Variants in PLA2G4A observed in about 807,000 individuals in gnomAD.
The protein encoded by PLA2G4A is phospholipase A2 group IVA, also known as cytosolic phospholipase A2.
Under a neutral mutation model 81.9 loss-of-function variants are expected in PLA2G4A, and 40 were observed. The ratio of observed to expected loss-of-function variants is 0.49; its 90% CI spans 0.38 to 0.64. The LOEUF (loss-of-function observed/expected upper bound fraction) is 0.64, where lower values mean the gene tolerates loss of function less well. Ranked by LOEUF, PLA2G4A falls within the 30% of genes least tolerant of loss-of-function variation. PLA2G4A has a pLI of 0.00. For missense variants in PLA2G4A, 715 were observed against 905.1 expected, an observed-to-expected ratio of 0.79 and a Z score of 2.69; for synonymous variants, 302 against 296.9, an observed-to-expected ratio of 1.02 and a Z score of -0.18.
chr1:186,915,691 C>G (rs1332908421), intron 7 of PLA2G4A, among the ~76,000 whole-genome samples: 1 of 152,100 alleles, frequency 6.6e-6, no homozygotes, highest in Admixed American at 6.5e-5. Context: ...GGGGGCTGTC[C>G]AGTCCCAGTG....
chr1:186,988,219 G>A (rs1234944064), intron 17 of PLA2G4A, among the ~76,000 whole-genome samples, 158 bp from the exon 18 acceptor site: 3 of 152,112 alleles, frequency 2.0e-5, no homozygotes, highest in Non-Finnish European at 4.4e-5. Context: ...GTGGTGGGAT[G>A]TTGAATTTAA....
At chr1:186,889,274 A>T (rs1654049702) in intron 3 of PLA2G4A, among the ~76,000 whole-genome samples, 1 of 152,214 alleles carries the variant, frequency 6.6e-6, no homozygotes, top group South Asian at 2.1e-4. Flanking sequence ...TAGGATATCA[A>T]AAGTGTGACC....
Position 186,956,293 on chromosome 1 carries a change from T to G in PLA2G4A, c.1528T>G (p.Phe510Val), listed in dbSNP as rs1269346162. 6.2e-7 allele frequency: 1 copy of G among 1,613,642 alleles called. No homozygotes were observed. The highest frequency in any genetic ancestry group is 2.2e-5 in the East Asian group (1 of 44,866). ...TSYPLSPLSDFATQDSFDDDE... is the reference protein window; with the variant it reads ...TSYPLSPLSDVATQDSFDDDE... ...TTATCCACTGTCTCCTTTGAGTGAC[T>G]TTGCCACACAGGACTCCTTTGATGA... The change falls in exon 14 of 18, where the codon TTT (phenylalanine) becomes GTT (valine). Residue 510 changes from phenylalanine (F) to valine (V), a missense_variant. Coordinates refer to ENST00000367466, the MANE Select transcript of PLA2G4A (RefSeq NM_024420.3).
intron 8 of PLA2G4A, 110 bp downstream of exon 8, chr1:186,933,009 T>G: frequency 1.2e-6 from 1 of 813,090 alleles, no homozygotes; most frequent in Non-Finnish European, 2.0e-6. Context: ...TTAATTTAAA[T>G]TACTGAAACT....
rs577946127 is a variant in PLA2G4A at position 186,971,548 on chromosome 1, A to G, written c.1764+5955A>G. ...AATATAAAGTAAATTGCAATATATT[A>G]CACATAATATAGTTTTTCTTGTCTC... On this transcript the variant is annotated intron_variant, in intron 15 of 17. Transcript: ENST00000367466. 6.6e-5 allele frequency among the ~76,000 whole-genome samples: 10 copies of G among 152,114 alleles called. No homozygotes were observed. The South Asian group carries it at 2.1e-3, about 32-fold the overall frequency.
chr1:186,870,263 T>C (rs1470830555), intron 2 of PLA2G4A, among the ~76,000 whole-genome samples, 172 bp from the exon 3 acceptor site: 1 of 152,178 alleles, frequency 6.6e-6, no homozygotes, highest in African/African-American at 2.4e-5. Flanking sequence ...CTAAACTCAA[T>C]GATTCTGTGA....
intron 15 of PLA2G4A, among the ~76,000 whole-genome samples, chr1:186,974,024 T>C (rs1203114246): frequency 2.0e-5 from 3 of 151,912 alleles, no homozygotes; most frequent in Admixed American, 1.3e-4. Context: ...CTTCCTCTAA[T>C]GACAAGTCAA....
chr1:186,863,918 G>A (rs548595833), intron 2 of PLA2G4A, among the ~76,000 whole-genome samples: 11 of 151,956 alleles, frequency 7.2e-5, no homozygotes, highest in East Asian at 1.9e-4. Context: ...CTGCCACCAC[G>A]CCTGGCTAAT....
At chr1:186,885,980 G>T (rs1201408792) in intron 3 of PLA2G4A, among the ~76,000 whole-genome samples, 1 of 152,092 alleles carries the variant, frequency 6.6e-6, no homozygotes, top group Non-Finnish European at 1.5e-5. Flanking sequence ...AAATATAATG[G>T]CTGGGTATTT....
At chr1:186,890,954 G>A (rs1264141792) in intron 3 of PLA2G4A, among the ~76,000 whole-genome samples, 3 of 151,596 alleles carry the variant, frequency 2.0e-5, no homozygotes, top group Non-Finnish European at 4.4e-5. Context: ...TTTAATATGA[G>A]TGCCACCCCT....
chr1:186,882,492 A>C (rs1052575547), intron 3 of PLA2G4A, among the ~76,000 whole-genome samples: 1 of 152,108 alleles, frequency 6.6e-6, no homozygotes, highest in African/African-American at 2.4e-5. Flanking sequence ...TGCCATCAAT[A>C]TGCCTGTGTG....
Position 186,849,213 on chromosome 1 carries a change from A to G in PLA2G4A, c.-69-5073A>G, listed in dbSNP as rs556358618. On this transcript the variant is annotated intron_variant, in intron 1 of 17. Coordinates refer to ENST00000367466, the MANE Select transcript of PLA2G4A (RefSeq NM_024420.3). The stretch of plus-strand genomic sequence containing the variant: ...CCATCCATCCATTGGACAAATCTTT[A>G]TTCTGAACCTACTATATTTGGGCCA... Among the ~76,000 whole-genome samples, 14 of 152,194 alleles carry G rather than the reference A, an allele frequency of 9.2e-5. No individual in the cohort carries two copies. The South Asian group carries it at 2.9e-3, about 32-fold the overall frequency.
intron 3 of PLA2G4A, chr1:186,870,867 C>A (rs902734977): frequency 1.8e-6 from 1 of 565,130 alleles, no homozygotes; most frequent in East Asian, 4.4e-5. Flanking sequence ...TTGTCTGGAT[C>A]TTTGAACGAT....
intron 5 of PLA2G4A, among the ~76,000 whole-genome samples, 188 bp downstream of exon 5, chr1:186,894,399 C>A (rs1367122253): frequency 6.6e-6 from 1 of 152,066 alleles, no homozygotes; most frequent in Non-Finnish European, 1.5e-5. Flanking sequence ...CATCTATAAA[C>A]TTTGGTTGAG....
chr1:186,947,093 C>G, intron 12 of PLA2G4A, 132 bp downstream of exon 12: 1 of 631,802 alleles, frequency 1.6e-6, no homozygotes, highest in Non-Finnish European at 2.8e-6. Flanking sequence ...TTGGTTGAAT[C>G]AATCTAAATA....
At chr1:186,923,236 C>A (rs959309364) in intron 7 of PLA2G4A, among the ~76,000 whole-genome samples, 10 of 152,098 alleles carry the variant, frequency 6.6e-5, no homozygotes, top group Non-Finnish European at 1.2e-4. Flanking sequence ...TCATGTCAGG[C>A]TAATTAGTTC....
chr1:186,975,814 G>A (rs932839980), intron 15 of PLA2G4A, among the ~76,000 whole-genome samples: 1 of 152,186 alleles, frequency 6.6e-6, no homozygotes, highest in Non-Finnish European at 1.5e-5. Context: ...AGGTCATCCA[G>A]CTAGCAAGTT....
intron 2 of PLA2G4A, among the ~76,000 whole-genome samples, chr1:186,866,985 G>A (rs762693826): frequency 1.4e-4 from 22 of 151,956 alleles, no homozygotes; most frequent in Non-Finnish European, 1.5e-4. Flanking sequence ...TTTCTCCTTT[G>A]TCAAAGATCA....
chr1:186,847,729 T>A (rs1045852036), intron 1 of PLA2G4A, among the ~76,000 whole-genome samples: 3 of 152,102 alleles, frequency 2.0e-5, no homozygotes, highest in Non-Finnish European at 4.4e-5. Context: ...TGGAGAGCAC[T>A]GCTGTGAGTA....
Sources: allele counts gnomAD v4.1 joint callset (sites outside exome capture counted in the v4.1 genomes callset), GRCh38; gene constraint gnomAD v4.1.1; transcripts MANE v1.5; gene names NCBI Gene and HGNC (gene_info 2026-07-23, HGNC 2026-07-21).